The following PCSK2 variants were observed in gnomAD, a reference collection of about 807,000 sequenced individuals.
PCSK2 encodes proprotein convertase subtilisin/kexin type 2.
PCSK2 carries 14 observed loss-of-function variants against 69.7 expected under a neutral mutation model. That is an observed-to-expected ratio of 0.20 (90% CI 0.13 to 0.31). The LOEUF (loss-of-function observed/expected upper bound fraction) is 0.31. PCSK2 is among the 10% of genes least tolerant of loss of function. The probability of loss-of-function intolerance (pLI) is 1.00; values close to 1 mark genes in which losing one functional copy is unlikely to be tolerated. For synonymous variants in PCSK2, 307 were observed against 320.7 expected, an observed-to-expected ratio of 0.96 and a Z score of 0.46; for missense variants, 544 against 842.5, an observed-to-expected ratio of 0.65 and a Z score of 4.39.
chr20:17,473,620 A>G lies in PCSK2; in HGVS notation c.1431-7964A>G, dbSNP rs2033242300. On this transcript the variant is annotated intron_variant, in intron 11 of 11. Transcript: ENST00000262545. ...ATGTTTCATTCCTTTTCTTCTCATAAAAGCAATACATGGTCACTGTAAGAA... is the reference window on the plus strand; with the variant it reads ...ATGTTTCATTCCTTTTCTTCTCATAGAAGCAATACATGGTCACTGTAAGAA... 2.0e-5 allele frequency among the ~76,000 whole-genome samples: 3 copies of G among 152,150 alleles called. No homozygotes were observed. The South Asian group carries it at 6.2e-4, about 32-fold the overall frequency.
At chr20:17,377,936 C>T (rs1467894423) in intron 5 of PCSK2, among the ~76,000 whole-genome samples, 1 of 152,180 alleles carries the variant, frequency 6.6e-6, no homozygotes, top group Non-Finnish European at 1.5e-5. Flanking sequence ...AATATCTGGT[C>T]ATTCTATTAT....
At chr20:17,382,119 T>C (rs1197398457) in intron 5 of PCSK2, among the ~76,000 whole-genome samples, 1 of 152,140 alleles carries the variant, frequency 6.6e-6, no homozygotes, top group Non-Finnish European at 1.5e-5. Context: ...TCTCCTCCCG[T>C]GGAGAGTTGG....
intron 6 of PCSK2, among the ~76,000 whole-genome samples, chr20:17,411,174 A>T (rs2031863325): frequency 6.6e-6 from 1 of 152,234 alleles, no homozygotes; most frequent in African/African-American, 2.4e-5. Flanking sequence ...ATCGACGCAG[A>T]AGATGGGCAA....
At chr20:17,367,395 A>G (rs951243641) in intron 4 of PCSK2, among the ~76,000 whole-genome samples, 1 of 152,246 alleles carries the variant, frequency 6.6e-6, no homozygotes, top group African/African-American at 2.4e-5. Context: ...ACCGCTTTGC[A>G]AAGTAAATAA....
chr20:17,329,081 T>C (rs1990145293), intron 2 of PCSK2, among the ~76,000 whole-genome samples: 1 of 152,192 alleles, frequency 6.6e-6, no homozygotes, highest in Non-Finnish European at 1.5e-5. Flanking sequence ...ATAATAATAA[T>C]TAAAATACCA....
At chr20:17,350,953 T>A (rs949567275) in intron 2 of PCSK2, among the ~76,000 whole-genome samples, 2 of 150,970 alleles carry the variant, frequency 1.3e-5, no homozygotes, top group Non-Finnish European at 2.9e-5. Context: ...GGCAAGAGAA[T>A]CGCTTGAACC....
In PCSK2 at chr20:17,400,598, A is replaced by T. The variant is rs1057158164; in HGVS notation, c.544-8665A>T. On this transcript the variant is annotated intron_variant, in intron 5 of 11. Coordinates refer to ENST00000262545, the MANE Select transcript of PCSK2 (RefSeq NM_002594.5). Reference sequence around the variant, plus strand: ...AAAAATTACACAAAATGTAATTTTTACTAATTTTAATTACAAAATGTAATT... The same window carrying T: ...AAAAATTACACAAAATGTAATTTTTTCTAATTTTAATTACAAAATGTAATT... Among the ~76,000 whole-genome samples the T allele has an allele frequency of 2.0e-5, 3 of 152,230 alleles. No individual in the cohort carries two copies. The East Asian group carries it at 5.8e-4, about 29-fold the overall frequency.
intron 2 of PCSK2, among the ~76,000 whole-genome samples, chr20:17,269,552 G>A (rs1281353907): frequency 3.3e-5 from 5 of 151,982 alleles, no homozygotes; most frequent in Non-Finnish European, 2.9e-5. Context: ...CTTTCTCAAC[G>A]GATATTGAAA....
chr20:17,460,418 G>A (rs1037584396), intron 10 of PCSK2, among the ~76,000 whole-genome samples: 1 of 152,158 alleles, frequency 6.6e-6, no homozygotes, highest in African/African-American at 2.4e-5. Context: ...AGGGAGGCTG[G>A]GAAATGTAAT....
intron 2 of PCSK2, among the ~76,000 whole-genome samples, chr20:17,285,212 A>T (rs1988470414): frequency 6.6e-6 from 1 of 152,220 alleles, no homozygotes; most frequent in African/African-American, 2.4e-5. Flanking sequence ...CAAAGAACAA[A>T]GGATGTATTC....
chr20:17,253,479 G>T (rs1297613747), intron 1 of PCSK2, among the ~76,000 whole-genome samples: 1 of 152,082 alleles, frequency 6.6e-6, no homozygotes, highest in Non-Finnish European at 1.5e-5. Context: ...TTGCTGTCAG[G>T]CTTCTTTAAC....
At position 17,310,208 on chromosome 20, in the gene PCSK2, C is replaced by T. The variant is rs558376713; in HGVS notation, c.283-48119C>T. 4.7e-4 allele frequency among the ~76,000 whole-genome samples: 72 copies of T among 152,268 alleles called. 1 individual carries two copies. The highest frequency in any genetic ancestry group is 1.5e-3 in the African/African-American group (64 of 41,556). On this transcript the variant is annotated intron_variant, in intron 2 of 11. Transcript: ENST00000262545. ...TCCATACACGAGTCATTCCAACCAC[C>T]ACACTGTCCCCCTGATAAGACTTGC... is the stretch of plus-strand genomic sequence containing the variant.
chr20:17,309,857 AGAAGGG>A (rs1387823091), intron 2 of PCSK2, among the ~76,000 whole-genome samples: 101 of 127,706 alleles, frequency 7.9e-4, no homozygotes, highest in Admixed American at 1.4e-3. Flanking sequence ...AGGAAGAAGA[AGAAGGG>A]GAAGGGGAAG....
intron 2 of PCSK2, among the ~76,000 whole-genome samples, chr20:17,319,089 T>G (rs1249478571): frequency 6.6e-6 from 1 of 152,234 alleles, no homozygotes; most frequent in Non-Finnish European, 1.5e-5. Flanking sequence ...AAATAATTAA[T>G]TGTAAATTGT....
chr20:17,263,428 G>C (rs1987469804), intron 2 of PCSK2, among the ~76,000 whole-genome samples: 1 of 152,208 alleles, frequency 6.6e-6, no homozygotes, highest in Non-Finnish European at 1.5e-5. Flanking sequence ...TCATTTAGAT[G>C]CTAAAAAGCA....
chr20:17,246,404 G>A (rs1361684918), intron 1 of PCSK2, among the ~76,000 whole-genome samples: 1 of 152,158 alleles, frequency 6.6e-6, no homozygotes, highest in Non-Finnish European at 1.5e-5. Flanking sequence ...TCAGTTGGAG[G>A]TTGACAATGA....
At chr20:17,240,008 C>A (rs1387118401) in intron 1 of PCSK2, among the ~76,000 whole-genome samples, 1 of 151,766 alleles carries the variant, frequency 6.6e-6, no homozygotes, top group African/African-American at 2.4e-5. Context: ...CGCACACCAC[C>A]ATACCCAGCT....
intron 1 of PCSK2, among the ~76,000 whole-genome samples, chr20:17,254,455 A>G (rs1048295182): frequency 1.3e-5 from 2 of 152,182 alleles, no homozygotes; most frequent in Non-Finnish European, 2.9e-5. Context: ...TGAACAGACT[A>G]TTCATTCTCA....
chr20:17,334,522 G>A lies in PCSK2; in HGVS notation c.283-23805G>A, dbSNP rs148317720. Among the ~76,000 whole-genome samples, 254 of 152,134 alleles carry A rather than the reference G, an allele frequency of 1.7e-3. 1 individual carries two copies. The highest frequency in any genetic ancestry group is 2.7e-3 in the Non-Finnish European group (181 of 67,992). On this transcript the variant is annotated intron_variant, in intron 2 of 11. Coordinates refer to ENST00000262545, the MANE Select transcript of PCSK2 (RefSeq NM_002594.5). ...GACAGCGATCAGAGCGGATTCTTAC[G>A]GGGGGGCAATGAGTCCAGGGCCACG...
Sources: allele counts gnomAD v4.1 joint callset (sites outside exome capture counted in the v4.1 genomes callset), GRCh38; gene constraint gnomAD v4.1.1; transcripts MANE v1.5; gene names NCBI Gene and HGNC (gene_info 2026-07-23, HGNC 2026-07-21).